PRKCB: variants seen among roughly 807,000 people sequenced by gnomAD.
PRKCB encodes the protein protein kinase C beta type.
A neutral mutation model predicts 81.5 loss-of-function variants in PRKCB; 13 were observed. The ratio of observed to expected loss-of-function variants is 0.16; its 90% CI spans 0.10 to 0.25. The LOEUF (loss-of-function observed/expected upper bound fraction) is 0.25. Ranked by LOEUF, PRKCB falls within the 10% of genes least tolerant of loss-of-function variation. PRKCB has a pLI of 1.00. For synonymous variants in PRKCB, 335 were observed against 321.4 expected (o/e 1.04, Z -0.45); for missense variants, 509 against 875.7 (o/e 0.58, Z 5.29).
At chr16:23,873,054 G>A (rs368259959) in intron 2 of PRKCB, among the ~76,000 whole-genome samples, 1 of 151,538 alleles carries the variant, frequency 6.6e-6, no homozygotes, top group African/African-American at 2.4e-5. Context: ...TTAGCTGGGT[G>A]TGGTAGCGGA....
intron 16 of PRKCB, among the ~76,000 whole-genome samples, chr16:24,199,116 G>A (rs888469818): frequency 1.2e-4 from 18 of 152,144 alleles, no homozygotes; most frequent in African/African-American, 4.3e-4. Context: ...AGCTTGCAAA[G>A]GTCCTTGTCC....
intron 16 of PRKCB, among the ~76,000 whole-genome samples, chr16:24,210,404 G>A (rs1014857052): frequency 6.6e-6 from 1 of 151,978 alleles, no homozygotes; most frequent in Non-Finnish European, 1.5e-5. Context: ...GACATCCAAA[G>A]GGCACCCTCT....
chr16:24,021,073 T>TCC (rs1555491058), intron 3 of PRKCB, among the ~76,000 whole-genome samples: 65 of 49,190 alleles, frequency 1.3e-3, no homozygotes, highest in Admixed American at 2.6e-3. Flanking sequence ...CCTCCCTCCC[T>TCC]TCTTTCTTTC....
Position 23,836,096 on chromosome 16 carries a change from C to T in PRKCB, c.-80C>T, listed in dbSNP as rs1962147675. ...CGGGTGCAGCAGCGGCCGCCGCCTC[C>T]CGCGCCTCCCCGGCCCGCAGCCCGC... On this transcript the variant is annotated 5_prime_UTR_variant, in exon 1 of 17. Transcript: ENST00000643927. 10 of 1,019,598 alleles carry T rather than the reference C, an allele frequency of 9.8e-6. No individual in the cohort carries two copies. Among genetic ancestry groups the T allele is most frequent in the Non-Finnish European group, 1.2e-5 (10 of 842,644 alleles). The allele number at this position is 1,019,598 out of a possible 1,614,324, so 63.2% of individuals were successfully genotyped here. A position where few individuals can be genotyped will look rare whatever the true frequency, so the allele number is the denominator to read the frequency against.
At chr16:23,982,047 T>C (rs1964731413) in intron 2 of PRKCB, among the ~76,000 whole-genome samples, 1 of 118,340 alleles carries the variant, frequency 8.5e-6, no homozygotes, top group South Asian at 3.1e-4. Flanking sequence ...CACCTTCCCC[T>C]TCCCTTTCCC....
chr16:23,847,346 A>G (rs1294667975), intron 2 of PRKCB, among the ~76,000 whole-genome samples: 2 of 104,934 alleles, frequency 1.9e-5, no homozygotes, highest in Admixed American at 9.0e-5. Context: ...CTATCTATCT[A>G]TCTATCTATC....
chr16:23,906,334 GCTT>G (rs1160693156), intron 2 of PRKCB, among the ~76,000 whole-genome samples: 3 of 152,132 alleles, frequency 2.0e-5, no homozygotes, highest in Admixed American at 6.5e-5. Flanking sequence ...TCTGTGAACT[GCTT>G]CTTCTTTTTT....
chr16:24,014,862 C>T (rs1180454234), intron 3 of PRKCB, among the ~76,000 whole-genome samples: 3 of 152,120 alleles, frequency 2.0e-5, no homozygotes, highest in East Asian at 1.9e-4. Context: ...GGCATGATCT[C>T]GGCTCACTGC....
intron 2 of PRKCB, among the ~76,000 whole-genome samples, chr16:23,838,425 C>T (rs186816080): frequency 4.5e-4 from 69 of 152,264 alleles, no homozygotes; most frequent in African/African-American, 1.5e-3. Flanking sequence ...TTTGCAACCT[C>T]TCATCTGGAA....
intron 3 of PRKCB, among the ~76,000 whole-genome samples, chr16:24,031,615 C>G (rs767446905): frequency 6.6e-6 from 1 of 152,238 alleles, no homozygotes. Context: ...CCAGCAGTCT[C>G]TGCCACAACT....
chr16:23,988,622 T>A (rs1428585249), intron 3 of PRKCB, 32 bp downstream of exon 3: 2 of 1,579,536 alleles, frequency 1.3e-6, no homozygotes, highest in East Asian at 2.2e-5. Flanking sequence ...CTTTTCTCTG[T>A]CCACAGTCAA....
At chr16:23,952,527 G>A (rs1964297330) in intron 2 of PRKCB, among the ~76,000 whole-genome samples, 1 of 152,152 alleles carries the variant, frequency 6.6e-6, no homozygotes, top group Admixed American at 6.5e-5. Flanking sequence ...ATTTGTTTCT[G>A]GGAGGGTGGG....
rs55986931 is a variant in PRKCB at position 23,950,132 on chromosome 16, A to AGGTT, written c.206-38376_206-38375insGGTT. On this transcript the variant is annotated intron_variant, in intron 2 of 16. Transcript: ENST00000643927. ...AGCAGCATTGGCCCCTATGATTTGAATTTTTTTTTTTTTTTTTTTTTTTTT... is the reference window on the plus strand; with the variant it reads ...AGCAGCATTGGCCCCTATGATTTGAAGGTTTTTTTTTTTTTTTTTTTTTTTTTTT... 9.3e-3 allele frequency among the ~76,000 whole-genome samples: 913 copies of AGGTT among 97,764 alleles called. 75 individuals carry two copies. Among genetic ancestry groups the AGGTT allele is most frequent in the Non-Finnish European group, 0.014 (719 of 51,186 alleles). 64.1% of individuals were successfully genotyped at this position (97,764 alleles called of 152,430 possible).
At chr16:24,173,289 G>C (rs935457475) in intron 11 of PRKCB, among the ~76,000 whole-genome samples, 2 of 152,160 alleles carry the variant, frequency 1.3e-5, no homozygotes, top group African/African-American at 4.8e-5. Context: ...ATTTCATCAT[G>C]TCATTCCCCT....
chr16:23,919,732 G>T (rs948775687), intron 2 of PRKCB, among the ~76,000 whole-genome samples: 1 of 152,066 alleles, frequency 6.6e-6, no homozygotes, highest in African/African-American at 2.4e-5. Flanking sequence ...AATACTATAG[G>T]TATCTCATAT....
intron 2 of PRKCB, among the ~76,000 whole-genome samples, chr16:23,940,707 C>A (rs1964130825): frequency 6.6e-6 from 1 of 151,772 alleles, no homozygotes; most frequent in Non-Finnish European, 1.5e-5. Context: ...GAACAACATG[C>A]AAGTTAGAAG....
intron 3 of PRKCB, among the ~76,000 whole-genome samples, chr16:24,005,753 C>T (rs991223638): frequency 3.3e-5 from 5 of 152,182 alleles, no homozygotes. Flanking sequence ...AGGAAGACCA[C>T]CTTGATCTTC....
intron 2 of PRKCB, among the ~76,000 whole-genome samples, chr16:23,902,800 T>C (rs7500744): frequency 0.21 from 2,697 of 13,140 alleles, 818 homozygotes; most frequent in Middle Eastern, 0.42. Flanking sequence ...CTCCCTCCCT[T>C]CCTTCCTTCC....
At chr16:24,156,800 C>A (rs931992969) in intron 10 of PRKCB, among the ~76,000 whole-genome samples, 1 of 152,122 alleles carries the variant, frequency 6.6e-6, no homozygotes, top group Non-Finnish European at 1.5e-5. Flanking sequence ...CCTCTAGGCT[C>A]CCCTACTCCC....
Sources: gnomAD v4.1 joint callset for allele counts (sites outside exome capture counted in the v4.1 genomes callset) on GRCh38, gnomAD v4.1.1 for gene constraint, MANE v1.5 for transcripts, NCBI Gene and HGNC (gene_info 2026-07-23, HGNC 2026-07-21) for gene names.